AKAP13: variants seen among roughly 807,000 people sequenced by gnomAD.
The protein encoded by AKAP13 is A-kinase anchor protein 13.
AKAP13 carries 80 observed loss-of-function variants against 264.5 expected under a neutral mutation model. That is an observed-to-expected ratio of 0.30 (90% confidence interval 0.25 to 0.36). The LOEUF is 0.36. AKAP13 is among the 10% of genes least tolerant of loss of function. AKAP13 has a pLI of 1.00. For synonymous variants in AKAP13, 1,380 were observed against 1,250.2 expected (o/e 1.10, Z -2.19); for missense variants, 3,712 against 3,435.2 (o/e 1.08, Z -2.01).
At position 85,580,057 on chromosome 15, in the gene AKAP13, A is replaced by G. The variant is rs750536222; in HGVS notation, c.1989A>G (p.Ala663=). The change falls in exon 7 of 37, where the codon GCA becomes GCG. Residue 663 remains alanine (A), a synonymous_variant. Coordinates refer to ENST00000394518, the MANE Select transcript of AKAP13 (RefSeq NM_007200.5). The part of the protein sequence containing the change: ...CSTTGDDKLC[A]DSACQQNTVT... ...CAACTGGAGACGATAAACTTTGTGC[A>G]GACTCTGCATGTCAACAGAACACAG... 8.7e-6 allele frequency: 14 copies of G among 1,614,106 alleles called. No homozygotes were observed. The highest frequency in any genetic ancestry group is 1.2e-5 in the Non-Finnish European group (14 of 1,180,038).
chr15:85,644,966 A>G (rs1204366935), intron 9 of AKAP13, among the ~76,000 whole-genome samples: 1 of 152,198 alleles, frequency 6.6e-6, no homozygotes, highest in Non-Finnish European at 1.5e-5. Context: ...CATCTTTACA[A>G]AAAATAAACT....
intron 2 of AKAP13, among the ~76,000 whole-genome samples, chr15:85,510,450 G>T (rs549983120): frequency 1.3e-5 from 2 of 152,188 alleles, no homozygotes; most frequent in East Asian, 3.9e-4. Flanking sequence ...AATTATTGAA[G>T]TAATAATAAA....
At chr15:85,662,420 C>T (rs139502246) in intron 12 of AKAP13, 5 of 1,614,146 alleles carry the variant, frequency 3.1e-6, no homozygotes, top group Non-Finnish European at 4.2e-6. Flanking sequence ...GTGCAGTACT[C>T]TGCTGGCCTG....
intron 1 of AKAP13, chr15:85,415,481 T>TG: frequency 6.4e-7 from 1 of 1,574,568 alleles, no homozygotes; most frequent in East Asian, 2.2e-5. Flanking sequence ...AAACTCAGAC[T>TG]GTGTGCAACT....
At chr15:85,407,610 G>T (rs1327748296) in intron 1 of AKAP13, among the ~76,000 whole-genome samples, 1 of 151,700 alleles carries the variant, frequency 6.6e-6, no homozygotes, top group Non-Finnish European at 1.5e-5. Flanking sequence ...TGGAATGATG[G>T]TTCTGCTGTG....
At chr15:85,701,447 T>G (rs2085906052) in intron 17 of AKAP13, among the ~76,000 whole-genome samples, 1 of 152,124 alleles carries the variant, frequency 6.6e-6, no homozygotes, top group East Asian at 1.9e-4. Flanking sequence ...TTTTTTGTTT[T>G]TTGTTTGTTT....
At chr15:85,602,740 A>G (rs7169724) in intron 8 of AKAP13, among the ~76,000 whole-genome samples, 94,638 of 152,046 alleles carry the variant, frequency 0.62, 29,598 homozygotes, top group Middle Eastern at 0.72. Flanking sequence ...CGCCCGCCTC[A>G]GCTTCCCAAA....
In AKAP13 at chr15:85,580,658, A is replaced by G. The variant is rs1404789972; in HGVS notation, c.2590A>G (p.Ser864Gly). 2.6e-5 allele frequency: 42 copies of G among 1,614,110 alleles called. No individual in the cohort carries two copies. Among genetic ancestry groups the G allele is most frequent in the Non-Finnish European group, 3.4e-5 (40 of 1,180,038 alleles). ...AELQHGMGNT[S>G]LTGLGGEHEG... ...GCTTCAGCACGGGATGGGGAATACC[A>G]GTCTCACAGGACTTGGTGGAGAGCA... is the stretch of plus-strand genomic sequence containing the variant. The change falls in exon 7 of 37, where the codon AGT becomes GGT. Residue 864 changes from serine to glycine, a missense_variant. This residue lies in a region of AKAP13 where 2,759 missense variants were observed against 2,411.7 expected (regional missense o/e 1.14). Transcript: ENST00000394518.
At chr15:85,664,855 C>G (rs942948577) in intron 13 of AKAP13, 100 bp downstream of exon 13, 4 of 1,120,680 alleles carry the variant, frequency 3.6e-6, no homozygotes, top group Middle Eastern at 2.9e-4. Flanking sequence ...GCTATGATTA[C>G]TTACCCATTA....
At position 85,735,767 on chromosome 15, in the gene AKAP13, A is replaced by G. The variant is rs2088426179; in HGVS notation, c.7512+137A>G. On this transcript the variant is annotated intron_variant, in intron 32 of 36. Coordinates refer to ENST00000394518, the MANE Select transcript of AKAP13 (RefSeq NM_007200.5). The stretch of plus-strand genomic sequence containing the variant: ...AATAAAATTATTTTCAGGGAAAATC[A>G]CATTTTTAAAACAAATAGTACAGTT... The G allele has an allele frequency of 1.2e-5, 12 of 960,136 alleles. 1 individual carries two copies. In the South Asian group the frequency reaches 2.0e-4, roughly 16 times the overall value. The allele number at this position is 960,136 out of a possible 1,614,324, so 59.5% of individuals were successfully genotyped here.
intron 1 of AKAP13, among the ~76,000 whole-genome samples, chr15:85,441,691 A>G (rs2073659259): frequency 6.6e-6 from 1 of 152,054 alleles, no homozygotes; most frequent in Non-Finnish European, 1.5e-5. Flanking sequence ...GTATGGTGTA[A>G]GCTAGGGTAT....
At chr15:85,702,870 A>G (rs2151672366) in intron 17 of AKAP13, 1 of 152,336 alleles carries the variant, frequency 6.6e-6, no homozygotes, top group Admixed American at 6.5e-5. Context: ...TCCAGCTGCC[A>G]CAAATAATTT....
intron 8 of AKAP13, among the ~76,000 whole-genome samples, chr15:85,612,416 T>G (rs2080681578): frequency 6.6e-6 from 1 of 152,238 alleles, no homozygotes; most frequent in African/African-American, 2.4e-5. Flanking sequence ...CTGGTGGTTT[T>G]GTCTGAATCA....
intron 14 of AKAP13, among the ~76,000 whole-genome samples, chr15:85,675,844 C>T (rs571149436): frequency 1.3e-5 from 2 of 151,826 alleles, no homozygotes; most frequent in South Asian, 4.2e-4. Context: ...TTAAGTTGGT[C>T]GAATAATGAT....
At chr15:85,735,725 C>G (rs2088422864) in intron 32 of AKAP13, 95 bp downstream of exon 32, 1 of 1,192,444 alleles carries the variant, frequency 8.4e-7, no homozygotes, top group East Asian at 2.4e-5. Flanking sequence ...GTTTTCGATG[C>G]CTGAATTGCT....
intron 2 of AKAP13, among the ~76,000 whole-genome samples, chr15:85,508,232 T>G (rs2076300204): frequency 6.6e-6 from 1 of 151,564 alleles, no homozygotes; most frequent in Admixed American, 6.6e-5. Context: ...CAGCCTCGAC[T>G]TCCTGGGCTC....
intron 8 of AKAP13, among the ~76,000 whole-genome samples, chr15:85,592,046 C>CTTTTTTT (rs386383662): frequency 1.9e-5 from 2 of 105,270 alleles, no homozygotes; most frequent in Non-Finnish European, 1.9e-5. Flanking sequence ...GAACCATGAT[C>CTTTTTTT]TTTTTTTTTT....
At position 85,380,627 on chromosome 15, in the gene AKAP13, G is replaced by C. The variant is rs1032996040; in HGVS notation, c.-183G>C. ...TGTGTGCAGGGCCAGCGCGGAGCCCGAGCAGCCGCGGTGAAGCGCCTGTGC... is the reference window on the plus strand; with the variant it reads ...TGTGTGCAGGGCCAGCGCGGAGCCCCAGCAGCCGCGGTGAAGCGCCTGTGC... On this transcript the variant is annotated 5_prime_UTR_variant, in exon 1 of 37. Transcript: ENST00000394518. 12 of 135,472 alleles carry C rather than the reference G, an allele frequency of 8.9e-5. No individual in the cohort carries two copies. Among genetic ancestry groups the C allele is most frequent in the East Asian group, 2.6e-4 (1 of 3,824 alleles). 8.4% of individuals were successfully genotyped at this position (135,472 alleles called of 1,614,324 possible).
intron 2 of AKAP13, among the ~76,000 whole-genome samples, chr15:85,488,718 C>T (rs531739673): frequency 6.6e-6 from 1 of 152,166 alleles, no homozygotes; most frequent in Admixed American, 6.6e-5. Context: ...AGCCCATGAG[C>T]TACGGAATGC....
Sources: gnomAD v4.1 joint callset for allele counts (sites outside exome capture counted in the v4.1 genomes callset) on GRCh38, gnomAD v4.1.1 for gene constraint, gnomAD v4.1.1 regional missense constraint, MANE v1.5 for transcripts, NCBI Gene and HGNC (gene_info 2026-07-23, HGNC 2026-07-21) for gene names.